The following STAC variants were observed in gnomAD, a reference collection of about 807,000 sequenced individuals.
STAC encodes the protein SH3 and cysteine rich domain, also known as SH3 and cysteine-rich domain-containing protein.
In STAC, 43 loss-of-function variants were observed where a neutral mutation model predicts 48.8. The ratio of observed to expected loss-of-function variants is 0.88; its 90% CI spans 0.69 to 1.14. The LOEUF is 1.14. STAC is among the 50% of genes most tolerant of loss of function. The pLI is 0.00. For synonymous variants in STAC, 193 were observed against 179.5 expected, an observed-to-expected ratio of 1.07 and a Z score of -0.60; for missense variants, 497 against 504.0, an observed-to-expected ratio of 0.99 and a Z score of 0.13.
At chr3:36,451,795 C>T (rs947965388) in intron 2 of STAC, among the ~76,000 whole-genome samples, 1 of 152,134 alleles carries the variant, frequency 6.6e-6, no homozygotes, top group Non-Finnish European at 1.5e-5. Flanking sequence ...ACTTAACTTC[C>T]CTTTTCTTAA....
At position 36,398,363 on chromosome 3, in the gene STAC, G is replaced by GAAAGAAAGAAAGA. The variant is rs1553631483; in HGVS notation, c.111+17616_111+17617insGAAAGAAAAGAAA. Among the ~76,000 whole-genome samples, 384 of 124,962 alleles carry GAAAGAAAGAAAGA rather than the reference G, an allele frequency of 3.1e-3. 9 individuals carry two copies. The highest frequency in any genetic ancestry group is 0.011 in the South Asian group (41 of 3,864). 82.0% of individuals were successfully genotyped at this position (124,962 alleles called of 152,430 possible). ...AGAAAGAAAGAAAGAAAGAAAGAAAGAAAGAAAAGAAAGAGAGAAAGAAAG... is the reference window on the plus strand; with the variant it reads ...AGAAAGAAAGAAAGAAAGAAAGAAAGAAAGAAAGAAAGAAAAGAAAAGAAAGAGAGAAAGAAAG... On this transcript the variant is annotated intron_variant, in intron 1 of 10. Transcript: ENST00000273183.
intron 1 of STAC, among the ~76,000 whole-genome samples, chr3:36,384,541 C>T (rs900029861): frequency 1.3e-5 from 2 of 152,156 alleles, no homozygotes; most frequent in African/African-American, 4.8e-5. Context: ...CTGCTACCAC[C>T]AGCCAACCCC....
At chr3:36,412,735 T>A (rs1410104831) in intron 1 of STAC, among the ~76,000 whole-genome samples, 1 of 152,242 alleles carries the variant, frequency 6.6e-6, no homozygotes, top group Non-Finnish European at 1.5e-5. Flanking sequence ...GTTTCAGGGC[T>A]CTATGTTTGA....
chr3:36,469,445 G>C (rs1697264953), intron 2 of STAC, among the ~76,000 whole-genome samples: 1 of 152,176 alleles, frequency 6.6e-6, no homozygotes, highest in Non-Finnish European at 1.5e-5. Context: ...GATTTGGGCT[G>C]AGAAATCTGC....
chr3:36,445,670 C>T (rs1421934659), intron 2 of STAC, among the ~76,000 whole-genome samples: 2 of 152,196 alleles, frequency 1.3e-5, no homozygotes, highest in South Asian at 2.1e-4. Context: ...TATAGATTAC[C>T]TAAAGATTTC....
chr3:36,440,320 C>T (rs1696308085), intron 1 of STAC, among the ~76,000 whole-genome samples: 2 of 152,216 alleles, frequency 1.3e-5, no homozygotes, highest in Non-Finnish European at 2.9e-5. Flanking sequence ...TGACTTAGAA[C>T]ACCAGTCATC....
At chr3:36,414,357 G>A (rs1040576024) in intron 1 of STAC, among the ~76,000 whole-genome samples, 3 of 152,070 alleles carry the variant, frequency 2.0e-5, no homozygotes, top group Admixed American at 6.5e-5. Context: ...CATATTTCTC[G>A]GAGGATTTGT....
chr3:36,475,008 TGTGC>T (rs1272010615), intron 2 of STAC, among the ~76,000 whole-genome samples: 1 of 152,074 alleles, frequency 6.6e-6, no homozygotes. Context: ...TGTGTGTGTG[TGTGC>T]GCGCGCGCAC....
At chr3:36,492,910 T>C (rs1196619219) in intron 5 of STAC, among the ~76,000 whole-genome samples, 1 of 152,190 alleles carries the variant, frequency 6.6e-6, no homozygotes, top group Non-Finnish European at 1.5e-5. Flanking sequence ...TTCATGAATA[T>C]TCAATACTCA....
intron 6 of STAC, among the ~76,000 whole-genome samples, chr3:36,495,943 T>C (rs1179664991): frequency 6.6e-6 from 1 of 151,616 alleles, no homozygotes; most frequent in African/African-American, 2.4e-5. Flanking sequence ...CATAGGCTCA[T>C]TAAAGTTTAA....
At chr3:36,453,343 A>G (rs1376282696) in intron 2 of STAC, among the ~76,000 whole-genome samples, 2 of 152,078 alleles carry the variant, frequency 1.3e-5, no homozygotes, top group Non-Finnish European at 2.9e-5. Context: ...CGAGGTGTGG[A>G]GGGAGAGGCG....
intron 1 of STAC, among the ~76,000 whole-genome samples, chr3:36,437,894 A>G (rs1410435227): frequency 6.7e-6 from 1 of 149,976 alleles, no homozygotes; most frequent in African/African-American, 2.4e-5. Flanking sequence ...ATCAAGGTCT[A>G]TGCCTAGCTC....
intron 1 of STAC, among the ~76,000 whole-genome samples, chr3:36,432,329 C>T (rs1171203440): frequency 1.3e-5 from 2 of 152,222 alleles, no homozygotes; most frequent in Non-Finnish European, 2.9e-5. Context: ...CAAAGCCATT[C>T]TGACCCCAAA....
chr3:36,508,401 T>C (rs1353157237), intron 8 of STAC, among the ~76,000 whole-genome samples: 1 of 152,132 alleles, frequency 6.6e-6, no homozygotes, highest in Non-Finnish European at 1.5e-5. Flanking sequence ...ATTCTGTTGA[T>C]TGGGGGTTGA....
intron 1 of STAC, among the ~76,000 whole-genome samples, chr3:36,410,113 T>C (rs76147269): frequency 8.5e-5 from 13 of 152,302 alleles, no homozygotes; most frequent in African/African-American, 3.1e-4. Flanking sequence ...CTTTCCATTC[T>C]TGAAAAGCAT....
intron 1 of STAC, among the ~76,000 whole-genome samples, chr3:36,419,576 A>G (rs966502729): frequency 4.6e-5 from 7 of 152,198 alleles, no homozygotes; most frequent in Admixed American, 1.3e-4. Context: ...TGTGGATGAC[A>G]TAAGGGGGCA....
chr3:36,413,592 G>A (rs55812122), intron 1 of STAC, among the ~76,000 whole-genome samples: 10,399 of 152,098 alleles, frequency 0.068, 404 homozygotes, highest in Middle Eastern at 0.089. Flanking sequence ...TGGGTTTCCC[G>A]AATACAGCAC....
intron 6 of STAC, among the ~76,000 whole-genome samples, chr3:36,502,633 A>G (rs1698307556): frequency 6.6e-6 from 1 of 152,232 alleles, no homozygotes; most frequent in Non-Finnish European, 1.5e-5. Context: ...ATTTTCTAGG[A>G]AGATTCTCTT....
intron 5 of STAC, among the ~76,000 whole-genome samples, chr3:36,492,037 T>A (rs1431263354): frequency 0.049 from 1,150 of 23,514 alleles, 24 homozygotes; most frequent in East Asian, 0.11. Context: ...AAAAAATATA[T>A]ATATATATAT....
Sources: gnomAD v4.1 joint callset for allele counts (sites outside exome capture counted in the v4.1 genomes callset) on GRCh38, gnomAD v4.1.1 for gene constraint, MANE v1.5 for transcripts, NCBI Gene and HGNC (gene_info 2026-07-23, HGNC 2026-07-21) for gene names.